Variants in RERG observed in about 807,000 individuals in gnomAD.
RERG encodes the protein ras-related and estrogen-regulated growth inhibitor.
Under a neutral mutation model 23.2 loss-of-function variants are expected in RERG, and 25 were observed. That is an observed-to-expected ratio of 1.08 (90% confidence interval 0.79 to 1.50). The LOEUF (loss-of-function observed/expected upper bound fraction) is 1.50, where lower values mean the gene tolerates loss of function less well. Ranked by LOEUF, RERG falls within the 40% of genes most tolerant of loss-of-function variation. RERG has a pLI of 0.00. For synonymous variants in RERG, 81 were observed against 89.1 expected, an observed-to-expected ratio of 0.91 and a Z score of 0.51; for missense variants, 253 against 250.1, an observed-to-expected ratio of 1.01 and a Z score of -0.08.
chr12:15,217,183 A>C, intron 2 of RERG: 1 of 387,862 alleles, frequency 2.6e-6, no homozygotes, highest in Non-Finnish European at 4.6e-6. Flanking sequence ...CAGAATGCCA[A>C]GACCTCTGAT....
intron 2 of RERG, among the ~76,000 whole-genome samples, chr12:15,142,902 C>T (rs1444610823): frequency 6.6e-6 from 1 of 152,198 alleles, no homozygotes; most frequent in Non-Finnish European, 1.5e-5. Flanking sequence ...ACAACTTAGC[C>T]AGCTTTCTTC....
chr12:15,132,458 T>C (rs1443775719), intron 2 of RERG, among the ~76,000 whole-genome samples: 4 of 152,244 alleles, frequency 2.6e-5, no homozygotes, highest in Admixed American at 6.5e-5. Flanking sequence ...AAGAACATCA[T>C]GGTTGCTCCC....
intron 2 of RERG, among the ~76,000 whole-genome samples, chr12:15,210,858 C>A (rs1865357346): frequency 6.6e-6 from 1 of 152,086 alleles, no homozygotes; most frequent in East Asian, 1.9e-4. Context: ...CACAGGTAAC[C>A]AGAGCACTAT....
intron 2 of RERG, among the ~76,000 whole-genome samples, chr12:15,153,987 C>T (rs1404771715): frequency 6.6e-6 from 1 of 152,026 alleles, no homozygotes; most frequent in Non-Finnish European, 1.5e-5. Context: ...ATAAGGAGAA[C>T]ACCATCTGCA....
chr12:15,142,869 G>A (rs1864261118), intron 2 of RERG, among the ~76,000 whole-genome samples: 1 of 152,136 alleles, frequency 6.6e-6, no homozygotes, highest in Admixed American at 6.5e-5. Flanking sequence ...CACAAGTCTT[G>A]ATACATATAC....
At chr12:15,118,032 A>T (rs964036125) in intron 3 of RERG, among the ~76,000 whole-genome samples, 2 of 149,964 alleles carry the variant, frequency 1.3e-5, no homozygotes, top group African/African-American at 4.8e-5. Context: ...AAATTGTTCA[A>T]TGTAAGGAAC....
At chr12:15,119,291 GT>G (rs905686342) in intron 3 of RERG, among the ~76,000 whole-genome samples, 14 of 151,198 alleles carry the variant, frequency 9.3e-5, no homozygotes, top group Admixed American at 4.0e-4. Flanking sequence ...ATTAATAGCA[GT>G]TTTTTTTTCA....
intron 2 of RERG, among the ~76,000 whole-genome samples, chr12:15,210,470 C>G (rs963877889): frequency 6.6e-6 from 1 of 152,110 alleles, no homozygotes; most frequent in Non-Finnish European, 1.5e-5. Context: ...TGTTTCCCCC[C>G]CAATCATATT....
chr12:15,200,809 G>A (rs184328139), intron 2 of RERG, among the ~76,000 whole-genome samples: 273 of 151,746 alleles, frequency 1.8e-3, no homozygotes, highest in African/African-American at 6.4e-3. Flanking sequence ...TTTTTAAAAG[G>A]CTTCTGAGTT....
At chr12:15,171,874 T>C (rs973135989) in intron 2 of RERG, among the ~76,000 whole-genome samples, 2 of 152,202 alleles carry the variant, frequency 1.3e-5, no homozygotes, top group African/African-American at 4.8e-5. Context: ...AATAAGCTTA[T>C]GTGTAGTTCT....
chr12:15,201,532 CCTAATTAATATTAG>C (rs1245408439), intron 2 of RERG, among the ~76,000 whole-genome samples: 1 of 150,004 alleles, frequency 6.7e-6, no homozygotes, highest in African/African-American at 2.4e-5. Flanking sequence ...AATATCATTA[CCTAATTAATATTAG>C]CTAATAATAG....
chr12:15,122,209 T>C (rs1385153356), intron 2 of RERG, among the ~76,000 whole-genome samples: 1 of 152,132 alleles, frequency 6.6e-6, no homozygotes, highest in East Asian at 1.9e-4. Context: ...AAAGATTCAT[T>C]GTCTATCATA....
At chr12:15,128,047 A>G (rs562585425) in intron 2 of RERG, among the ~76,000 whole-genome samples, 1 of 152,350 alleles carries the variant, frequency 6.6e-6, no homozygotes, top group African/African-American at 2.4e-5. Flanking sequence ...TTTCCAATAT[A>G]CAATACTTTT....
At chr12:15,194,828 G>A (rs1002922858) in intron 2 of RERG, among the ~76,000 whole-genome samples, 8 of 151,896 alleles carry the variant, frequency 5.3e-5, no homozygotes, top group African/African-American at 1.7e-4. Flanking sequence ...AATCTTACAC[G>A]GGGCAATGGG....
intron 2 of RERG, among the ~76,000 whole-genome samples, chr12:15,156,716 C>G (rs534869468): frequency 6.6e-6 from 1 of 152,030 alleles, no homozygotes; most frequent in Non-Finnish European, 1.5e-5. Context: ...CATTGCTTTG[C>G]GAGTCCTCAG....
chr12:15,219,244 T>C (rs1591675510), intron 1 of RERG, among the ~76,000 whole-genome samples: 1 of 152,340 alleles, frequency 6.6e-6, no homozygotes, highest in East Asian at 1.9e-4. Flanking sequence ...AAAGAGCTTC[T>C]TGAGAGAGAA....
chr12:15,131,321 T>A (rs796277978), intron 2 of RERG, among the ~76,000 whole-genome samples: 3 of 151,438 alleles, frequency 2.0e-5, no homozygotes, highest in Non-Finnish European at 2.9e-5. Context: ...ATGTTAATTT[T>A]AAAAGTGATT....
At chr12:15,164,701 C>T (rs1864662151) in intron 2 of RERG, among the ~76,000 whole-genome samples, 1 of 152,188 alleles carries the variant, frequency 6.6e-6, no homozygotes, top group Non-Finnish European at 1.5e-5. Context: ...GCTTGGATTA[C>T]CCATGGTCCA....
At chr12:15,196,437 TC>T (rs1865145407) in intron 2 of RERG, among the ~76,000 whole-genome samples, 1 of 152,154 alleles carries the variant, frequency 6.6e-6, no homozygotes. Flanking sequence ...ATCATTCTTT[TC>T]CCCTGAGGAA....
Sources: gnomAD v4.1 joint callset for allele counts (sites outside exome capture counted in the v4.1 genomes callset) on GRCh38, gnomAD v4.1.1 for gene constraint, MANE v1.5 for transcripts, NCBI Gene and HGNC (gene_info 2026-07-23, HGNC 2026-07-21) for gene names.